Variants in C12orf42 observed in about 807,000 individuals in gnomAD.
C12orf42 encodes uncharacterized protein C12orf42.
In C12orf42, 25 loss-of-function variants were observed where a neutral mutation model predicts 21.6. That is an observed-to-expected ratio of 1.16 (90% CI 0.84 to 1.62). The LOEUF (loss-of-function observed/expected upper bound fraction) is 1.62, where lower values mean the gene tolerates loss of function less well. Among genes scored for constraint, C12orf42 ranks in the 40% most tolerant of loss-of-function variants. C12orf42 has a pLI of 0.00. For missense variants in C12orf42, 483 were observed against 459.3 expected (o/e 1.05, Z -0.47); for synonymous variants, 174 against 175.0 (o/e 0.99, Z 0.05).
At chr12:103,057,406 G>A in the C12orf42 span, among the ~76,000 whole-genome samples, 4 of 151,978 alleles carry the variant, frequency 2.6e-5, no homozygotes, top group African/African-American at 4.8e-5. Context: ...CTGTGTCCAT[G>A]TACTTTCATT....
chr12:103,245,629 C>T (rs1016843076), intron 10 of C12orf42, among the ~76,000 whole-genome samples: 7 of 151,998 alleles, frequency 4.6e-5, no homozygotes, highest in African/African-American at 7.2e-5. Flanking sequence ...GGAGCTGCCA[C>T]GAAGATTACT....
At chr12:103,531,710 T>G in the C12orf42 span, among the ~76,000 whole-genome samples, 1 of 152,190 alleles carries the variant, frequency 6.6e-6, no homozygotes, top group African/African-American at 2.4e-5. Context: ...TAAATTCCCA[T>G]CCAGTATCAA....
chr12:103,298,826 C>G (rs991865071), downstream of C12orf42, among the ~76,000 whole-genome samples: 2 of 152,178 alleles, frequency 1.3e-5, no homozygotes, highest in Non-Finnish European at 2.9e-5. Flanking sequence ...CTTTCATAAA[C>G]CTCAAAACAA....
chr12:103,051,990 CCTCA>C, the C12orf42 span, among the ~76,000 whole-genome samples: 41 of 152,286 alleles, frequency 2.7e-4, no homozygotes, highest in African/African-American at 8.2e-4. Context: ...GTCTTCTTGT[CCTCA>C]CTATTTGGTA....
the C12orf42 span, among the ~76,000 whole-genome samples, chr12:103,117,962 T>C: frequency 4.6e-5 from 7 of 152,230 alleles, no homozygotes; most frequent in Admixed American, 2.0e-4. Context: ...TTAAATGAGA[T>C]AATTTATGTA....
At chr12:103,129,924 T>G in the C12orf42 span, among the ~76,000 whole-genome samples, 1 of 152,194 alleles carries the variant, frequency 6.6e-6, no homozygotes, top group African/African-American at 2.4e-5. Flanking sequence ...GACCTTTTCC[T>G]GCCTTCCTTT....
the C12orf42 span, among the ~76,000 whole-genome samples, chr12:103,134,228 G>T: frequency 6.6e-6 from 1 of 151,976 alleles, no homozygotes; most frequent in Non-Finnish European, 1.5e-5. Context: ...CACTTCCATA[G>T]GAATACAATA....
At chr12:103,392,787 T>A (rs901481291) in intron 3 of C12orf42, among the ~76,000 whole-genome samples, 7 of 152,220 alleles carry the variant, frequency 4.6e-5, no homozygotes, top group Admixed American at 4.6e-4. Flanking sequence ...GCCAGACTCA[T>A]GAACTAGTAA....
intron 2 of C12orf42, among the ~76,000 whole-genome samples, chr12:103,449,554 G>A (rs868317654): frequency 1.3e-5 from 2 of 151,858 alleles, no homozygotes; most frequent in African/African-American, 4.8e-5. Context: ...AAAAAAATAA[G>A]ATAATAATAT....
intron 2 of C12orf42, among the ~76,000 whole-genome samples, chr12:103,413,569 G>C (rs191528460): frequency 1.3e-5 from 2 of 151,810 alleles, no homozygotes; most frequent in Non-Finnish European, 2.9e-5. Flanking sequence ...TGAGATTTTG[G>C]TGCATCCATT....
the C12orf42 span, among the ~76,000 whole-genome samples, chr12:103,188,454 G>A: frequency 6.6e-6 from 1 of 152,120 alleles, no homozygotes; most frequent in Non-Finnish European, 1.5e-5. Context: ...GTGATGTGAT[G>A]TGAGGATTGG....
At chr12:103,061,583 GT>G in the C12orf42 span, among the ~76,000 whole-genome samples, 1 of 151,434 alleles carries the variant, frequency 6.6e-6, no homozygotes, top group Non-Finnish European at 1.5e-5. Flanking sequence ...ATTTAGAATT[GT>G]TTTATATAAG....
chr12:103,439,921 G>T (rs754944176), intron 2 of C12orf42, among the ~76,000 whole-genome samples: 3,167 of 149,702 alleles, frequency 0.021, 37 homozygotes, highest in Middle Eastern at 0.048. Flanking sequence ...TATACCCAAA[G>T]GACTATAAAT....
intron 2 of C12orf42, among the ~76,000 whole-genome samples, chr12:103,413,675 C>A (rs2049044011): frequency 6.6e-6 from 1 of 152,076 alleles, no homozygotes; most frequent in Admixed American, 6.6e-5. Flanking sequence ...CTGTATCATT[C>A]TTATGCCTTT....
chr12:103,104,492 G>C, the C12orf42 span, among the ~76,000 whole-genome samples: 2 of 152,190 alleles, frequency 1.3e-5, no homozygotes, highest in African/African-American at 4.8e-5. Context: ...CCAGGCTGAA[G>C]TGCAGTGGCA....
chr12:103,435,375 C>T (rs941385359), intron 2 of C12orf42, among the ~76,000 whole-genome samples: 1 of 152,214 alleles, frequency 6.6e-6, no homozygotes, highest in African/African-American at 2.4e-5. Flanking sequence ...CAGTTCCTCA[C>T]CAGCAACGGA....
At chr12:103,109,506 G>A in the C12orf42 span, among the ~76,000 whole-genome samples, 404 of 152,014 alleles carry the variant, frequency 2.7e-3, 2 homozygotes, top group African/African-American at 9.1e-3. Flanking sequence ...TTCCAGATGG[G>A]TTAAAGCTCT....
the C12orf42 span, among the ~76,000 whole-genome samples, chr12:103,051,008 T>C: frequency 6.6e-6 from 1 of 152,190 alleles, no homozygotes; most frequent in Non-Finnish European, 1.5e-5. Flanking sequence ...ACTATTTTTA[T>C]AGGGCACTTA....
At chr12:103,370,914 A>ATATAAATGTAATTTATATTTAT (rs2045162078) in intron 3 of C12orf42, among the ~76,000 whole-genome samples, 1 of 151,788 alleles carries the variant, frequency 6.6e-6, no homozygotes, top group Non-Finnish European at 1.5e-5. Flanking sequence ...AATAAATAAA[A>ATATAAATGTAATTTATATTTAT]ACCACTCATT....
Sources: allele counts gnomAD v4.1 joint callset (sites outside exome capture counted in the v4.1 genomes callset), GRCh38; gene constraint gnomAD v4.1.1; transcripts MANE v1.5; gene names NCBI Gene and HGNC (gene_info 2026-07-23, HGNC 2026-07-21).